The following LCOR variants were observed in gnomAD, a reference collection of about 807,000 sequenced individuals.
LCOR encodes the protein ligand dependent nuclear receptor corepressor.
Under a neutral mutation model 64.4 loss-of-function variants are expected in LCOR, and 14 were observed. The observed-to-expected ratio is 0.22, with a 90% CI of 0.14 to 0.34. LCOR has a LOEUF of 0.34. LCOR is among the 10% of genes least tolerant of loss of function. The pLI is 1.00. For missense variants in LCOR, 1,686 were observed against 1,765.3 expected (o/e 0.96, Z 0.80); for synonymous variants, 643 against 642.5 (o/e 1.00, Z -0.01).
chr10:96,881,598 A>G (rs1269062965), intron 2 of LCOR, among the ~76,000 whole-genome samples: 1 of 152,026 alleles, frequency 6.6e-6, no homozygotes, highest in African/African-American at 2.4e-5. Context: ...CTGGGATTAC[A>G]GGTGCCCGCC....
intron 7 of LCOR, chr10:96,958,826 C>T (rs1847825117): frequency 6.5e-6 from 1 of 153,292 alleles, no homozygotes; most frequent in African/African-American, 2.5e-5. Flanking sequence ...ATAAAATAGC[C>T]ATTATTGTTT....
chr10:96,832,924 GGCTGCAGGCGGGC>G, intron 1 of LCOR: 1 of 931,828 alleles, frequency 1.1e-6, no homozygotes, highest in South Asian at 4.9e-5. Context: ...ACGCGCGGCG[GGCTGCAGGCGGGC>G]GCCCGGCGCT....
chr10:96,860,364 A>G (rs865809325), intron 2 of LCOR, among the ~76,000 whole-genome samples: 56 of 152,218 alleles, frequency 3.7e-4, no homozygotes, highest in Non-Finnish European at 5.0e-4. Flanking sequence ...GAGGATACAG[A>G]CACGGAAGAT....
intron 2 of LCOR, among the ~76,000 whole-genome samples, chr10:96,882,933 G>A (rs1846286555): frequency 6.6e-6 from 1 of 152,078 alleles, no homozygotes; most frequent in South Asian, 2.1e-4. Context: ...TTTTAGCAGT[G>A]TCTAGATGTA....
chr10:96,882,358 A>G (rs1052017126), intron 2 of LCOR, among the ~76,000 whole-genome samples: 4 of 152,232 alleles, frequency 2.6e-5, no homozygotes, highest in Non-Finnish European at 5.9e-5. Context: ...ATAGCCTTTC[A>G]GATAATTGTA....
chr10:96,984,976 A>G lies in LCOR; in HGVS notation c.4516A>G (p.Arg1506Gly). 1 of 1,614,204 alleles carries G rather than the reference A, an allele frequency of 6.2e-7. No individual in the cohort carries two copies. Among genetic ancestry groups the G allele is most frequent in the Non-Finnish European group, 8.5e-7 (1 of 1,180,040 alleles). ...GAAGGGGGCCGGTGAATCCTCTTCAAGGCCTCAGAAAGCCACGAATAGGAA... is the reference window on the plus strand; with the variant it reads ...GAAGGGGGCCGGTGAATCCTCTTCAGGGCCTCAGAAAGCCACGAATAGGAA... ...KQKGAGESSS[R>G]PQKATNRKQS... Residue 1506 changes from arginine to glycine, a missense_variant, in exon 8 of 8, where the codon AGG becomes GGG. Arg to Gly is a moderately radical substitution (Grantham distance 125). Transcript: ENST00000421806.
Position 96,983,600 on chromosome 10 carries a change from A to T in LCOR, c.3140A>T (p.His1047Leu). The change falls in exon 8 of 8, where the codon CAT becomes CTT. Residue 1047 changes from histidine (H) to leucine (L), a missense_variant. Physicochemically the swap from His to Leu is moderately conservative, Grantham distance 99. Coordinates refer to ENST00000421806, the MANE Select transcript of LCOR (RefSeq NM_001346516.2). This position sits in a 1 kb window ranked among gnomAD's most constrained non-coding sequence, Gnocchi z 4.5. The part of the protein sequence containing the change: ...TSSTYNLRHA[H>L]SLGSLDASKV... ...TCAACCTACAACCTAAGACACGCTC[A>T]TTCTCTGGGCTCCTTGGATGCTTCA... The T allele has an allele frequency of 6.2e-7, 1 of 1,614,244 alleles. No homozygotes were observed. The highest frequency in any genetic ancestry group is 8.5e-7 in the Non-Finnish European group (1 of 1,180,046).
intron 2 of LCOR, among the ~76,000 whole-genome samples, chr10:96,859,124 A>G (rs1224602942): frequency 6.6e-6 from 1 of 151,884 alleles, no homozygotes; most frequent in African/African-American, 2.4e-5. Context: ...CTAACATGAC[A>G]GGATCCAGGA....
chr10:96,870,560 AAGTC>A (rs1846056292), intron 2 of LCOR, among the ~76,000 whole-genome samples: 1 of 152,188 alleles, frequency 6.6e-6, no homozygotes, highest in Non-Finnish European at 1.5e-5. Context: ...GACTAATTTC[AAGTC>A]TTTTTAAAGT....
chr10:96,868,841 A>G (rs1346626842), intron 2 of LCOR, among the ~76,000 whole-genome samples: 2 of 152,262 alleles, frequency 1.3e-5, no homozygotes. Flanking sequence ...TATCCTAGCA[A>G]ATAGGTTAAT....
At chr10:96,950,893 G>T (rs1172638273) in intron 6 of LCOR, among the ~76,000 whole-genome samples, 1 of 152,050 alleles carries the variant, frequency 6.6e-6, no homozygotes, top group African/African-American at 2.4e-5. Context: ...GTATAATTGG[G>T]TTAGATGTCT....
chr10:96,919,657 C>T (rs771931038), intron 4 of LCOR, among the ~76,000 whole-genome samples: 5 of 152,152 alleles, frequency 3.3e-5, no homozygotes, highest in Non-Finnish European at 7.4e-5. Flanking sequence ...GTAACTCTCC[C>T]ATTTCCTCCT....
intron 2 of LCOR, among the ~76,000 whole-genome samples, chr10:96,884,004 TATAAC>T (rs1846303597): frequency 6.6e-6 from 1 of 152,072 alleles, no homozygotes; most frequent in African/African-American, 2.4e-5. Flanking sequence ...ACATATACCA[TATAAC>T]ATATTTCAAA....
At chr10:96,956,288 AAG>A in intron 7 of LCOR, 1 of 996,484 alleles carries the variant, frequency 1.0e-6, no homozygotes, top group Non-Finnish European at 1.2e-6. Flanking sequence ...CTTTTTAAAA[AAG>A]AAGAGGAAAC....
At chr10:96,923,422 A>G (rs185763942) in intron 4 of LCOR, among the ~76,000 whole-genome samples, 5 of 152,326 alleles carry the variant, frequency 3.3e-5, no homozygotes, top group East Asian at 1.9e-4. Flanking sequence ...ATGTCATCCT[A>G]TTGTCACACT....
At chr10:96,870,094 G>A (rs976871063) in intron 2 of LCOR, among the ~76,000 whole-genome samples, 22 of 151,646 alleles carry the variant, frequency 1.5e-4, no homozygotes, top group African/African-American at 4.6e-4. Flanking sequence ...TCACTCTGTC[G>A]CCCAGGCTGG....
At position 96,944,137 on chromosome 10, in the gene LCOR, C is replaced by T; in HGVS notation, c.-159C>T. On this transcript the variant is annotated 5_prime_UTR_variant, in exon 5 of 8. Transcript: ENST00000421806. ...GGGACACTTAGTCGGTCTGGATGAA[C>T]CAGCTTCGGGAGCTGGGCAAGAAGC... is the stretch of plus-strand genomic sequence containing the variant. 10 of 985,690 alleles carry T rather than the reference C, an allele frequency of 1.0e-5. No homozygotes were observed. Among genetic ancestry groups the T allele is most frequent in the Non-Finnish European group, 1.2e-5 (10 of 829,904 alleles). The allele number at this position is 985,690 out of a possible 1,614,324, so 61.1% of individuals were successfully genotyped here.
rs555955201 is a variant in LCOR, at chr10:96,992,646, A to G, written c.*7512A>G. 2 of 152,206 alleles carry G rather than the reference A, an allele frequency of 1.3e-5. No individual in the cohort carries two copies. The highest frequency in any genetic ancestry group is 2.9e-5 in the Non-Finnish European group (2 of 68,052). The allele number at this position is 152,206 out of a possible 1,614,324, so 9.4% of individuals were successfully genotyped here. On this transcript the variant is annotated 3_prime_UTR_variant, in exon 8 of 8. Coordinates refer to ENST00000421806, the MANE Select transcript of LCOR (RefSeq NM_001346516.2). ...AGCTGTATGGCATCGGGTGTGCCCC[A>G]CGCAGCCTACTTCTTGCATGCACAG...
chr10:96,852,928 A>T (rs1195720111), intron 2 of LCOR, among the ~76,000 whole-genome samples: 1 of 152,206 alleles, frequency 6.6e-6, no homozygotes, highest in African/African-American at 2.4e-5. Flanking sequence ...AAACATTTTA[A>T]AACATCTAAA....
Sources: allele counts gnomAD v4.1 joint callset (sites outside exome capture counted in the v4.1 genomes callset), GRCh38; gene constraint gnomAD v4.1.1; non-coding constraint Gnocchi (gnomAD v3.1); transcripts MANE v1.5; gene names NCBI Gene and HGNC (gene_info 2026-07-23, HGNC 2026-07-21).